ZNF385B: variants seen among roughly 807,000 people sequenced by gnomAD.
ZNF385B encodes the protein zinc finger protein 533.
In ZNF385B, 23 loss-of-function variants were observed where a neutral mutation model predicts 39.2. The observed-to-expected ratio is 0.59, with a 90% CI of 0.42 to 0.83. The LOEUF (loss-of-function observed/expected upper bound fraction) is 0.83, where lower values mean the gene tolerates loss of function less well. Among genes scored for constraint, ZNF385B ranks in the 40% least tolerant of loss-of-function variants. The probability of loss-of-function intolerance (pLI) is 0.00; values close to 1 mark genes in which losing one functional copy is unlikely to be tolerated. For synonymous variants in ZNF385B, 205 were observed against 222.6 expected (o/e 0.92, Z 0.70); for missense variants, 552 against 598.9 (o/e 0.92, Z 0.82).
chr2:179,682,893 C>G (rs971541741), intron 3 of ZNF385B, among the ~76,000 whole-genome samples: 1 of 152,172 alleles, frequency 6.6e-6, no homozygotes, highest in Non-Finnish European at 1.5e-5. Flanking sequence ...TCAGGAAGCA[C>G]AGTCATCCCT....
intron 5 of ZNF385B, 41 bp from the exon 6 acceptor site, chr2:179,483,475 A>G (rs1211148180): frequency 6.2e-7 from 1 of 1,611,712 alleles, no homozygotes; most frequent in Admixed American, 1.7e-5. Context: ...TTTGCTAATT[A>G]CAAACACCAC....
At chr2:179,589,640 A>C (rs16866823) in intron 3 of ZNF385B, among the ~76,000 whole-genome samples, 13,280 of 152,224 alleles carry the variant, frequency 0.087, 646 homozygotes, top group Middle Eastern at 0.21. Flanking sequence ...GCTGAGCCTA[A>C]TATGTGACTA....
rs747893465 is a variant in ZNF385B at position 179,678,723 on chromosome 2, C to T, written c.298+90780G>A. Among the ~76,000 whole-genome samples the T allele has an allele frequency of 4.5e-4, 68 of 152,302 alleles. No homozygotes were observed. The Middle Eastern group carries it at 0.017, about 38-fold the overall frequency. On this transcript the variant is annotated intron_variant, in intron 3 of 9. Coordinates refer to ENST00000410066, the MANE Select transcript of ZNF385B (RefSeq NM_152520.6). ...AATCTAAACAAACACAATGCCTTCT[C>T]AAGTCCACTTTCCTAACCAGCTGTG...
chr2:179,540,243 T>TG, intron 4 of ZNF385B, among the ~76,000 whole-genome samples: 1 of 152,120 alleles, frequency 6.6e-6, no homozygotes, highest in Non-Finnish European at 1.5e-5. Flanking sequence ...GGTTGGGAGT[T>TG]GGAGACCAGC....
intron 5 of ZNF385B, among the ~76,000 whole-genome samples, chr2:179,498,788 C>T (rs1369899222): frequency 6.6e-6 from 1 of 151,426 alleles, no homozygotes; most frequent in East Asian, 1.9e-4. Context: ...GAAGCAAGAG[C>T]AGACCAAACC....
intron 5 of ZNF385B, among the ~76,000 whole-genome samples, chr2:179,495,121 A>G (rs924967967): frequency 6.6e-6 from 1 of 152,114 alleles, no homozygotes; most frequent in Non-Finnish European, 1.5e-5. Context: ...CTTGTGCCAG[A>G]AGGGGAGCCC....
chr2:179,479,745 A>T (rs1980197), intron 6 of ZNF385B, among the ~76,000 whole-genome samples: 23,997 of 152,076 alleles, frequency 0.16, 2,120 homozygotes, highest in Middle Eastern at 0.21. Flanking sequence ...AGGCTGAGGC[A>T]TGAGAATTGC....
At chr2:179,618,696 G>C (rs1689959546) in intron 3 of ZNF385B, among the ~76,000 whole-genome samples, 1 of 152,108 alleles carries the variant, frequency 6.6e-6, no homozygotes, top group South Asian at 2.1e-4. Flanking sequence ...CATGGAGTAG[G>C]GGCAGCCAGG....
At chr2:179,583,734 T>C (rs1249819938) in intron 3 of ZNF385B, among the ~76,000 whole-genome samples, 1 of 152,144 alleles carries the variant, frequency 6.6e-6, no homozygotes, top group African/African-American at 2.4e-5. Flanking sequence ...ATAAATACAA[T>C]TATATATCCT....
chr2:179,764,129 G>C (rs1365825309), intron 3 of ZNF385B, among the ~76,000 whole-genome samples: 1 of 151,944 alleles, frequency 6.6e-6, no homozygotes, highest in Non-Finnish European at 1.5e-5. Context: ...GTATTTTGAG[G>C]CTCTGTTGTC....
chr2:179,807,933 G>A lies in ZNF385B; in HGVS notation c.-154-37261C>T, dbSNP rs147764066. Among the ~76,000 whole-genome samples, 624 of 97,634 alleles carry A rather than the reference G, an allele frequency of 6.4e-3. 2 individuals carry two copies. Among genetic ancestry groups the A allele is most frequent in the African/African-American group, 0.023 (579 of 25,096 alleles). The allele number at this position is 97,634 out of a possible 152,430, so 64.1% of individuals were successfully genotyped here. A position where few individuals can be genotyped will look rare whatever the true frequency, so the allele number is the denominator to read the frequency against. ...AAGAAAGAAAGAAAGAAAGAAAGAA[G>A]GAAGGAAGGAAGGAAGGAAAGAATA... On this transcript the variant is annotated intron_variant, in intron 1 of 9. Transcript: ENST00000410066.
intron 3 of ZNF385B, among the ~76,000 whole-genome samples, chr2:179,657,545 A>G (rs1693932440): frequency 6.6e-6 from 1 of 152,356 alleles, no homozygotes; most frequent in Non-Finnish European, 1.5e-5. Context: ...ATTATAGCTC[A>G]CAACTATAAT....
Position 179,605,116 on chromosome 2 carries a change from G to A in ZNF385B, c.299-60147C>T, listed in dbSNP as rs570270880. Among the ~76,000 whole-genome samples, 228 of 152,148 alleles carry A rather than the reference G, an allele frequency of 1.5e-3. 1 individual carries two copies. Among genetic ancestry groups the A allele is most frequent in the African/African-American group, 5.2e-3 (215 of 41,548 alleles). The stretch of plus-strand genomic sequence containing the variant: ...GAGACATGTTTAAAACACACAATAT[G>A]ATTTTTCAAAATGCACAGCAATGTA... On this transcript the variant is annotated intron_variant, in intron 3 of 9. Transcript: ENST00000410066.
intron 3 of ZNF385B, among the ~76,000 whole-genome samples, chr2:179,690,651 A>G (rs1261129459): frequency 6.6e-6 from 1 of 152,212 alleles, no homozygotes; most frequent in Non-Finnish European, 1.5e-5. Flanking sequence ...TAGCATAGAA[A>G]GAAACTTAGG....
chr2:179,655,411 C>G (rs765278133), intron 3 of ZNF385B, among the ~76,000 whole-genome samples: 9 of 151,824 alleles, frequency 5.9e-5, no homozygotes, highest in Non-Finnish European at 1.0e-4. Context: ...CATAACAATG[C>G]ATACAACTGA....
At chr2:179,568,758 G>A (rs1259175777) in intron 3 of ZNF385B, among the ~76,000 whole-genome samples, 3 of 152,124 alleles carry the variant, frequency 2.0e-5, no homozygotes, top group African/African-American at 7.2e-5. Context: ...AGGTATGTGA[G>A]GATCCTCAGC....
chr2:179,812,053 A>G (rs1559217112), intron 1 of ZNF385B, among the ~76,000 whole-genome samples: 1 of 152,120 alleles, frequency 6.6e-6, no homozygotes, highest in Non-Finnish European at 1.5e-5. Context: ...CAATATCACT[A>G]ATCATCAGAG....
chr2:179,453,693 C>A (rs926051357), intron 6 of ZNF385B, among the ~76,000 whole-genome samples: 1 of 152,118 alleles, frequency 6.6e-6, no homozygotes, highest in Non-Finnish European at 1.5e-5. Flanking sequence ...TTCTTTGGGC[C>A]AACAGGATGA....
At chr2:179,508,207 A>C (rs2105762695) in intron 5 of ZNF385B, among the ~76,000 whole-genome samples, 1 of 152,356 alleles carries the variant, frequency 6.6e-6, no homozygotes, top group East Asian at 1.9e-4. Flanking sequence ...GTATGTCTTA[A>C]AGCCTGAATT....
Sources: gnomAD v4.1 joint callset for allele counts (sites outside exome capture counted in the v4.1 genomes callset) on GRCh38, gnomAD v4.1.1 for gene constraint, MANE v1.5 for transcripts, NCBI Gene and HGNC (gene_info 2026-07-23, HGNC 2026-07-21) for gene names.